Variants in MVB12B observed in about 807,000 individuals in gnomAD.
The protein encoded by MVB12B is multivesicular body subunit 12B.
Under a neutral mutation model 41.6 loss-of-function variants are expected in MVB12B, and 16 were observed. The ratio of observed to expected loss-of-function variants is 0.38; its 90% CI spans 0.26 to 0.58. The LOEUF is 0.58. MVB12B is among the 20% of genes least tolerant of loss of function. MVB12B has a pLI of 0.62. For synonymous variants in MVB12B, 133 were observed against 139.7 expected, an observed-to-expected ratio of 0.95 and a Z score of 0.34; for missense variants, 274 against 380.2, an observed-to-expected ratio of 0.72 and a Z score of 2.32.
intron 9 of MVB12B, among the ~76,000 whole-genome samples, chr9:126,500,468 C>T (rs1188215136): frequency 6.6e-6 from 1 of 152,140 alleles, no homozygotes; most frequent in East Asian, 1.9e-4. Flanking sequence ...CATGTCCACA[C>T]CCATTCCCAG....
At chr9:126,399,189 G>A (rs76905436) in intron 6 of MVB12B, among the ~76,000 whole-genome samples, 3,805 of 152,306 alleles carry the variant, frequency 0.025, 147 homozygotes, top group African/African-American at 0.087. Context: ...GCTTGGCAGA[G>A]CTCCTCTCCC....
At chr9:126,396,255 A>G in intron 6 of MVB12B, 1 of 986,990 alleles carries the variant, frequency 1.0e-6, no homozygotes, top group Non-Finnish European at 1.2e-6. Context: ...TTTGCTCTGC[A>G]ACTGATTTCA....
chr9:126,329,500 CCA>C (rs1483735552), intron 1 of MVB12B, among the ~76,000 whole-genome samples: 1 of 152,204 alleles, frequency 6.6e-6, no homozygotes, highest in Admixed American at 6.5e-5. Flanking sequence ...AACCACGCCA[CCA>C]TGTGAGCACA....
At chr9:126,432,225 C>T (rs969761568) in intron 7 of MVB12B, among the ~76,000 whole-genome samples, 3 of 152,214 alleles carry the variant, frequency 2.0e-5, no homozygotes, top group Non-Finnish European at 4.4e-5. Context: ...TGATAATTCC[C>T]TTCCTTAGAG....
chr9:126,351,034 A>T (rs1829732230), intron 2 of MVB12B, among the ~76,000 whole-genome samples: 1 of 147,572 alleles, frequency 6.8e-6, no homozygotes, highest in Non-Finnish European at 1.5e-5. Flanking sequence ...ATGTCTCTTC[A>T]TTTATTAGTT....
chr9:126,391,947 C>G lies in MVB12B; in HGVS notation c.410-119C>G, dbSNP rs1467858701. ...AGAGCGCAGCCCTTCTGTCCAGCAGCTTAGGTGACCTGCCACTTCTGCTGC... is the reference window on the plus strand; with the variant it reads ...AGAGCGCAGCCCTTCTGTCCAGCAGGTTAGGTGACCTGCCACTTCTGCTGC... On this transcript the variant is annotated intron_variant, in intron 4 of 9. Transcript: ENST00000361171. This position sits in a 1 kb window ranked among gnomAD's most constrained non-coding sequence, Gnocchi z 4.4. 3 of 1,198,332 alleles carry G rather than the reference C, an allele frequency of 2.5e-6. No individual in the cohort carries two copies. The highest frequency in any genetic ancestry group is 1.8e-5 in the Admixed American group (1 of 56,014). The allele number at this position is 1,198,332 out of a possible 1,614,324, so 74.2% of individuals were successfully genotyped here.
intron 2 of MVB12B, among the ~76,000 whole-genome samples, chr9:126,378,805 C>T (rs997406130): frequency 1.3e-5 from 2 of 152,116 alleles, no homozygotes; most frequent in South Asian, 4.2e-4. Context: ...CTCTAACTGC[C>T]CAAACAGTGA....
intron 7 of MVB12B, among the ~76,000 whole-genome samples, chr9:126,424,614 A>G (rs1832119171): frequency 6.6e-6 from 1 of 152,200 alleles, no homozygotes; most frequent in African/African-American, 2.4e-5. Flanking sequence ...GTTCTTTCAC[A>G]TCCACTCAGC....
At chr9:126,343,930 T>A (rs897350869) in intron 2 of MVB12B, among the ~76,000 whole-genome samples, 17 of 151,650 alleles carry the variant, frequency 1.1e-4, no homozygotes, top group South Asian at 4.2e-4. Flanking sequence ...ATAAATAAAT[T>A]AATTAATAAA....
At chr9:126,330,377 A>G (rs759650292) in intron 1 of MVB12B, among the ~76,000 whole-genome samples, 2 of 152,144 alleles carry the variant, frequency 1.3e-5, no homozygotes, top group Non-Finnish European at 2.9e-5. Context: ...AGAATATTCA[A>G]AAGAATATCC....
chr9:126,418,742 G>T lies in MVB12B; in HGVS notation c.663-3112G>T, dbSNP rs531862797. ...TGGAGGAGGTCAGACTCCCCACGGA[G>T]CCTCGAGTGCTCACCCCTCCTCCCT... On this transcript the variant is annotated intron_variant, in intron 6 of 9. Transcript: ENST00000361171. 2.0e-5 allele frequency among the ~76,000 whole-genome samples: 3 copies of T among 152,220 alleles called. No individual in the cohort carries two copies. The South Asian group carries it at 6.2e-4, about 32-fold the overall frequency.
chr9:126,341,918 T>G (rs1179801974), intron 2 of MVB12B, among the ~76,000 whole-genome samples: 5 of 152,192 alleles, frequency 3.3e-5, no homozygotes, highest in Non-Finnish European at 5.9e-5. Context: ...AGGAGGAGCC[T>G]GTTCAAATGC....
At chr9:126,491,520 G>T (rs1285624854) in intron 9 of MVB12B, among the ~76,000 whole-genome samples, 1 of 152,068 alleles carries the variant, frequency 6.6e-6, no homozygotes, top group Non-Finnish European at 1.5e-5. Flanking sequence ...AGGAAATAAG[G>T]TGCCTTTTCT....
At chr9:126,383,504 G>T (rs1830689441) in intron 3 of MVB12B, among the ~76,000 whole-genome samples, 1 of 152,126 alleles carries the variant, frequency 6.6e-6, no homozygotes, top group African/African-American at 2.4e-5. Context: ...ATATTAAGTT[G>T]GTTATCTGTG....
chr9:126,409,960 T>C (rs1203778877), intron 6 of MVB12B, among the ~76,000 whole-genome samples: 1 of 152,260 alleles, frequency 6.6e-6, no homozygotes, highest in African/African-American at 2.4e-5. Flanking sequence ...TTCTTGATTA[T>C]TTCTGCACCA....
chr9:126,448,559 CACGGTTCTGCAG>C (rs1372048482), intron 7 of MVB12B: 1 of 152,230 alleles, frequency 6.6e-6, no homozygotes, highest in African/African-American at 2.4e-5. Flanking sequence ...TTAATTGACT[CACGGTTCTGCAG>C]ACTATATAGG....
chr9:126,383,684 G>A (rs1334230006), intron 3 of MVB12B, among the ~76,000 whole-genome samples: 5 of 152,042 alleles, frequency 3.3e-5, no homozygotes, highest in Non-Finnish European at 1.5e-5. Context: ...GGAAATGAAA[G>A]AGAGAACAGA....
chr9:126,494,319 G>A (rs1040600990), intron 9 of MVB12B, among the ~76,000 whole-genome samples: 7 of 152,030 alleles, frequency 4.6e-5, no homozygotes, highest in Non-Finnish European at 1.0e-4. Flanking sequence ...GGGTCTTCTC[G>A]GCAGCCAGTG....
chr9:126,493,885 C>T (rs530265678), intron 9 of MVB12B, among the ~76,000 whole-genome samples: 38 of 152,322 alleles, frequency 2.5e-4, no homozygotes, highest in African/African-American at 8.4e-4. Flanking sequence ...TGCATTTCAT[C>T]GGTTCCCCAG....
Sources: gnomAD v4.1 joint callset for allele counts (sites outside exome capture counted in the v4.1 genomes callset) on GRCh38, gnomAD v4.1.1 for gene constraint, Gnocchi (gnomAD v3.1) non-coding constraint, MANE v1.5 for transcripts, NCBI Gene and HGNC (gene_info 2026-07-23, HGNC 2026-07-21) for gene names.